The following REC114 variants were observed in gnomAD, a reference collection of about 807,000 sequenced individuals.
The protein encoded by REC114 is REC114 meiotic recombination protein.
In REC114, 27 loss-of-function variants were observed where a neutral mutation model predicts 31.3. That is an observed-to-expected ratio of 0.86 (90% CI 0.64 to 1.19). The LOEUF is 1.19. REC114 is among the 50% of genes most tolerant of loss of function. The pLI, the probability that REC114 is intolerant of heterozygous loss-of-function variation, is 0.00. For synonymous variants in REC114, 134 were observed against 127.7 expected, an observed-to-expected ratio of 1.05 and a Z score of -0.33; for missense variants, 344 against 326.9, an observed-to-expected ratio of 1.05 and a Z score of -0.40.
At chr15:73,535,966 TA>T (rs1483609037) in intron 2 of REC114, among the ~76,000 whole-genome samples, 1 of 149,686 alleles carries the variant, frequency 6.7e-6, no homozygotes, top group African/African-American at 2.5e-5. Context: ...GAAAACTGGC[TA>T]GCCATATGTA....
chr15:73,472,218 A>G (rs1893142666), intron 1 of REC114, among the ~76,000 whole-genome samples: 1 of 152,218 alleles, frequency 6.6e-6, no homozygotes, highest in Non-Finnish European at 1.5e-5. Context: ...ACTCCTAGCT[A>G]TGCTTCTGGT....
At chr15:73,496,130 G>C (rs1893519557) in intron 2 of REC114, among the ~76,000 whole-genome samples, 1 of 151,316 alleles carries the variant, frequency 6.6e-6, no homozygotes, top group Non-Finnish European at 1.5e-5. Context: ...GAGGCAGGCA[G>C]ATCACGAGGT....
At chr15:73,510,266 T>C (rs1445171420) in intron 2 of REC114, among the ~76,000 whole-genome samples, 7 of 152,214 alleles carry the variant, frequency 4.6e-5, no homozygotes. Context: ...TGTATAAGAA[T>C]GCTTGTGATT....
chr15:73,500,400 A>C (rs1442079706), intron 2 of REC114, among the ~76,000 whole-genome samples: 1 of 152,128 alleles, frequency 6.6e-6, no homozygotes, highest in Non-Finnish European at 1.5e-5. Flanking sequence ...GATACGACAA[A>C]AGAGTGTGTT....
At chr15:73,481,480 G>T (rs976578267) in intron 2 of REC114, among the ~76,000 whole-genome samples, 2 of 151,988 alleles carry the variant, frequency 1.3e-5, no homozygotes, top group African/African-American at 4.8e-5. Flanking sequence ...CAAGAAGGCT[G>T]AGATATCTTG....
intron 2 of REC114, among the ~76,000 whole-genome samples, chr15:73,529,198 C>T (rs997066043): frequency 4.2e-4 from 64 of 151,220 alleles, no homozygotes; most frequent in Non-Finnish European, 2.1e-4. Flanking sequence ...AGTGCAGTGG[C>T]GTGTTCTCAG....
intron 2 of REC114, among the ~76,000 whole-genome samples, chr15:73,498,826 T>A (rs1206376558): frequency 6.6e-6 from 1 of 152,194 alleles, no homozygotes; most frequent in East Asian, 1.9e-4. Context: ...TTGTTGCATA[T>A]GTGTATAAAA....
chr15:73,549,955 T>C (rs1406733215), intron 3 of REC114, among the ~76,000 whole-genome samples: 3 of 152,208 alleles, frequency 2.0e-5, no homozygotes, highest in East Asian at 1.9e-4. Context: ...TATTTGCTTA[T>C]AGGAACTTAC....
rs532855194 is a variant in REC114, at chr15:73,491,717, G to A, written c.249+17796G>A. On this transcript the variant is annotated intron_variant, in intron 2 of 5. Transcript: ENST00000331090. ...GTTTGAGACCAGCCTGACCAACATA[G>A]TGAAACCTTGTCTCTACAAAAAAAA... Among the ~76,000 whole-genome samples the A allele has an allele frequency of 6.1e-4, 93 of 152,180 alleles. 1 individual carries two copies. Among genetic ancestry groups the A allele is most frequent in the Admixed American group, 3.3e-3 (50 of 15,272 alleles).
At chr15:73,532,196 T>G (rs1198414445) in intron 2 of REC114, among the ~76,000 whole-genome samples, 2 of 151,420 alleles carry the variant, frequency 1.3e-5, no homozygotes, top group African/African-American at 4.9e-5. Context: ...CATGTGATCT[T>G]ATTGTTCAGT....
At chr15:73,449,059 G>A (rs903804034) in intron 1 of REC114, among the ~76,000 whole-genome samples, 1 of 152,146 alleles carries the variant, frequency 6.6e-6, no homozygotes, top group Non-Finnish European at 1.5e-5. Context: ...CAAAAAGGCT[G>A]AAAATTCCAA....
At chr15:73,553,236 CCAAA>C (rs1372681856) in intron 4 of REC114, among the ~76,000 whole-genome samples, 2 of 152,124 alleles carry the variant, frequency 1.3e-5, no homozygotes, top group African/African-American at 2.4e-5. Flanking sequence ...ATTTAGTTTA[CCAAA>C]CAGATTTTGG....
At chr15:73,466,051 A>G (rs1031141873) in intron 1 of REC114, among the ~76,000 whole-genome samples, 4 of 151,118 alleles carry the variant, frequency 2.6e-5, no homozygotes, top group African/African-American at 9.7e-5. Context: ...ACGGGGTTTC[A>G]CCAGTTGGTC....
chr15:73,478,263 CAAA>C (rs57210193), intron 2 of REC114, among the ~76,000 whole-genome samples: 122 of 40,326 alleles, frequency 3.0e-3, no homozygotes, highest in Non-Finnish European at 4.5e-3. Flanking sequence ...GACTCTGTCT[CAAA>C]AAAAAAAAAA....
rs1288283188 is a variant in REC114 at position 73,443,275 on chromosome 15, A to G, written c.90A>G (p.Ile30Met). The change falls in exon 1 of 6, where the codon ATA (isoleucine) becomes ATG (methionine). Residue 30 changes from isoleucine to methionine, a missense_variant. Physicochemically the swap from Ile to Met is conservative, Grantham distance 10. Transcript: ENST00000331090. ...EWPLQRYARC[I>M]PSNTRDPPGP... is the part of the protein sequence containing the mutation. Reference sequence around the variant, plus strand: ...CTCTGCAGCGGTACGCCCGCTGCATACCCTCAAACACCAGAGACCCACCTG... The same window carrying G: ...CTCTGCAGCGGTACGCCCGCTGCATGCCCTCAAACACCAGAGACCCACCTG... 4.4e-6 allele frequency: 7 copies of G among 1,579,492 alleles called. No homozygotes were observed. The African/African-American group carries it at 6.7e-5, about 15-fold the overall frequency.
chr15:73,482,594 C>A lies in REC114; in HGVS notation c.249+8673C>A, dbSNP rs1893310958. On this transcript the variant is annotated intron_variant, in intron 2 of 5. Transcript: ENST00000331090. ...AGCCTCTAATACAAGAGGAATCATA[C>A]AGTATTTGTCATTTTGGACTGTTTC... Among the ~76,000 whole-genome samples, 3 of 152,178 alleles carry A rather than the reference C, an allele frequency of 2.0e-5. No individual in the cohort carries two copies. In the South Asian group the frequency reaches 6.2e-4, roughly 32 times the overall value.
At chr15:73,487,561 CT>C (rs1163671793) in intron 2 of REC114, among the ~76,000 whole-genome samples, 2 of 152,236 alleles carry the variant, frequency 1.3e-5, no homozygotes, top group African/African-American at 2.4e-5. Context: ...TCTTCTTTGA[CT>C]TCATATCCTA....
At chr15:73,497,317 T>C (rs1471820044) in intron 2 of REC114, among the ~76,000 whole-genome samples, 1 of 152,226 alleles carries the variant, frequency 6.6e-6, no homozygotes, top group Non-Finnish European at 1.5e-5. Flanking sequence ...CATGTACTAA[T>C]TGGAATTCTA....
intron 1 of REC114, among the ~76,000 whole-genome samples, chr15:73,468,588 G>A (rs1427930941): frequency 2.6e-5 from 4 of 151,598 alleles, no homozygotes; most frequent in Admixed American, 6.6e-5. Flanking sequence ...AAGAACTTGC[G>A]GTAACAATGT....
Sources: gnomAD v4.1 joint callset for allele counts (sites outside exome capture counted in the v4.1 genomes callset) on GRCh38, gnomAD v4.1.1 for gene constraint, MANE v1.5 for transcripts, NCBI Gene and HGNC (gene_info 2026-07-23, HGNC 2026-07-21) for gene names.